DENND1A: variants seen among roughly 807,000 people sequenced by gnomAD.
DENND1A encodes DENN domain containing 1A, also known as DENN domain-containing protein 1A.
Under a neutral mutation model 113.7 loss-of-function variants are expected in DENND1A, and 51 were observed. The ratio of observed to expected loss-of-function variants is 0.45; its 90% confidence interval spans 0.36 to 0.57. DENND1A has a LOEUF of 0.57. DENND1A is among the 20% of genes least tolerant of loss of function. The pLI, the probability that DENND1A is intolerant of heterozygous loss-of-function variation, is 0.00. For missense variants in DENND1A, 1,258 were observed against 1,395.9 expected, an observed-to-expected ratio of 0.90 and a Z score of 1.57; for synonymous variants, 565 against 570.8, an observed-to-expected ratio of 0.99 and a Z score of 0.14.
chr9:123,588,283 CA>C (rs10640791), intron 11 of DENND1A, among the ~76,000 whole-genome samples: 2,351 of 68,018 alleles, frequency 0.035, 45 homozygotes, highest in Admixed American at 0.12. Flanking sequence ...AACTCTGTCT[CA>C]AAAAAAAAAA....
chr9:123,383,986 G>T, intron 22 of DENND1A, 73 bp from the exon 23 acceptor site: 1 of 1,551,018 alleles, frequency 6.4e-7, no homozygotes, highest in South Asian at 1.2e-5. Context: ...TCCAGCCCAA[G>T]CACATTGAGG....
Position 123,878,883 on chromosome 9 carries a change from T to A in DENND1A, c.88+68A>T, listed in dbSNP as rs114682851. 1.7e-4 allele frequency: 253 copies of A among 1,485,432 alleles called. No homozygotes were observed. In the African/African-American group the frequency reaches 3.2e-3, roughly 19 times the overall value. The allele number at this position is 1,485,432 out of a possible 1,614,324, so 92.0% of individuals were successfully genotyped here. A position where few individuals can be genotyped will look rare whatever the true frequency, so the allele number is the denominator to read the frequency against. On this transcript the variant is annotated intron_variant, in intron 2 of 23. Coordinates refer to ENST00000394215, the MANE Select transcript of DENND1A (RefSeq NM_001352964.2). ...TAACAATTTACTCATATTCACATAT[T>A]ATCTCACGTGCATAGCTATCTCAAA...
At chr9:123,449,362 C>T (rs1425670929) in intron 18 of DENND1A, among the ~76,000 whole-genome samples, 1 of 152,100 alleles carries the variant, frequency 6.6e-6, no homozygotes, top group East Asian at 1.9e-4. Flanking sequence ...TGGCGAAACC[C>T]CGTCTCTAAT....
At chr9:123,901,301 G>A (rs1851583495) in intron 1 of DENND1A, among the ~76,000 whole-genome samples, 1 of 152,154 alleles carries the variant, frequency 6.6e-6, no homozygotes, top group Non-Finnish European at 1.5e-5. Context: ...AGAGATGAGT[G>A]CATGAAGCAA....
At chr9:123,616,009 A>T (rs2060634078) in intron 10 of DENND1A, among the ~76,000 whole-genome samples, 1 of 152,130 alleles carries the variant, frequency 6.6e-6, no homozygotes, top group Admixed American at 6.5e-5. Flanking sequence ...GGCCCACTGC[A>T]ACCTCTGTCT....
intron 2 of DENND1A, among the ~76,000 whole-genome samples, chr9:123,816,270 G>A (rs1837469415): frequency 6.6e-6 from 1 of 152,096 alleles, no homozygotes; most frequent in Non-Finnish European, 1.5e-5. Flanking sequence ...CCAAAGTCCT[G>A]GGGTTATAGG....
intron 13 of DENND1A, among the ~76,000 whole-genome samples, chr9:123,542,527 C>T (rs1024374776): frequency 2.0e-5 from 3 of 152,180 alleles, no homozygotes; most frequent in Non-Finnish European, 4.4e-5. Flanking sequence ...AGACTCACCC[C>T]ACTTTTCTGC....
chr9:123,404,440 A>G (rs1278210339), intron 20 of DENND1A, among the ~76,000 whole-genome samples: 1 of 152,264 alleles, frequency 6.6e-6, no homozygotes, highest in Non-Finnish European at 1.5e-5. Context: ...TTCATTGCTG[A>G]TAAAAACAAC....
At chr9:123,662,772 T>A (rs1397315376) in intron 8 of DENND1A, among the ~76,000 whole-genome samples, 2 of 152,176 alleles carry the variant, frequency 1.3e-5, no homozygotes, top group African/African-American at 4.8e-5. Context: ...AGTATGCTCA[T>A]TAAAATGTAA....
chr9:123,536,055 A>G (rs1280739661), intron 13 of DENND1A, among the ~76,000 whole-genome samples: 1 of 152,204 alleles, frequency 6.6e-6, no homozygotes. Flanking sequence ...GCAAAACCTC[A>G]AATATGTGCA....
rs921465253 is a variant in DENND1A at position 123,380,382 on chromosome 9, G to C, written c.*1050C>G. The C allele has an allele frequency of 1.3e-5, 2 of 152,618 alleles. No homozygotes were observed. Among genetic ancestry groups the C allele is most frequent in the Non-Finnish European group, 2.9e-5 (2 of 68,062 alleles). The allele number at this position is 152,618 out of a possible 1,614,324, so 9.5% of individuals were successfully genotyped here. ...TGCTGGCCTGGAGCTCTGGGCAGGTGGGGAGGGACTGGCTTCTAGCCCTCC... is the reference window on the plus strand; with the variant it reads ...TGCTGGCCTGGAGCTCTGGGCAGGTCGGGAGGGACTGGCTTCTAGCCCTCC... On this transcript the variant is annotated 3_prime_UTR_variant, in exon 24 of 24. Transcript: ENST00000394215.
At chr9:123,558,022 T>C (rs571873002) in intron 12 of DENND1A, among the ~76,000 whole-genome samples, 2 of 152,114 alleles carry the variant, frequency 1.3e-5, no homozygotes, top group East Asian at 3.9e-4. Context: ...AATTAGGGCA[T>C]GTTTTTGAAA....
chr9:123,556,412 G>T (rs746595131), intron 13 of DENND1A, among the ~76,000 whole-genome samples: 1 of 152,184 alleles, frequency 6.6e-6, no homozygotes, highest in Non-Finnish European at 1.5e-5. Flanking sequence ...AATACACGAC[G>T]GAGTCAGAGC....
chr9:123,449,124 C>G (rs187726185), intron 18 of DENND1A, among the ~76,000 whole-genome samples: 4 of 152,330 alleles, frequency 2.6e-5, no homozygotes, highest in Non-Finnish European at 5.9e-5. Flanking sequence ...GGGCAAATGA[C>G]TTCACCTCTG....
At chr9:123,740,149 T>C (rs1159769093) in intron 5 of DENND1A, among the ~76,000 whole-genome samples, 1 of 152,148 alleles carries the variant, frequency 6.6e-6, no homozygotes, top group African/African-American at 2.4e-5. Flanking sequence ...ACCCTGCATG[T>C]CCTGTGCATA....
rs931350684 is a variant in DENND1A at position 123,910,986 on chromosome 9, A to G, written c.17+18903T>C. ...AAGCACTATTAAGTGTAAAAAGGCA[A>G]GCTGCAGACTGAAGAAAGATTTTTG... is the stretch of plus-strand genomic sequence containing the variant. On this transcript the variant is annotated intron_variant, in intron 1 of 23. Coordinates refer to ENST00000394215, the MANE Select transcript of DENND1A (RefSeq NM_001352964.2). Among the ~76,000 whole-genome samples, 6 of 152,184 alleles carry G rather than the reference A, an allele frequency of 3.9e-5. No homozygotes were observed. In the East Asian group the frequency reaches 1.2e-3, roughly 29 times the overall value.
rs543005436 is a variant in DENND1A at position 123,881,913 on chromosome 9, G to A, written c.18-2892C>T. 5.3e-5 allele frequency among the ~76,000 whole-genome samples: 8 copies of A among 152,130 alleles called. No individual in the cohort carries two copies. The South Asian group carries it at 1.0e-3, about 20-fold the overall frequency. Reference sequence around the variant, plus strand: ...TCAATTCTCAGTGCTCATCTTACTCGGCCTGTCAATAGCATTTGATAGTTC... The same window carrying A: ...TCAATTCTCAGTGCTCATCTTACTCAGCCTGTCAATAGCATTTGATAGTTC... On this transcript the variant is annotated intron_variant, in intron 1 of 23. Transcript: ENST00000394215.
chr9:123,658,923 G>T (rs939140137), intron 8 of DENND1A, among the ~76,000 whole-genome samples: 1 of 152,166 alleles, frequency 6.6e-6, no homozygotes, highest in Non-Finnish European at 1.5e-5. Context: ...CCCAGACCAG[G>T]CAGCATCTCA....
At chr9:123,599,022 TC>T (rs1162008386) in intron 11 of DENND1A, among the ~76,000 whole-genome samples, 2 of 152,162 alleles carry the variant, frequency 1.3e-5, no homozygotes, top group African/African-American at 4.8e-5. Flanking sequence ...GTTGATAACT[TC>T]CAACCACAAA....
Sources: gnomAD v4.1 joint callset for allele counts (sites outside exome capture counted in the v4.1 genomes callset) on GRCh38, gnomAD v4.1.1 for gene constraint, MANE v1.5 for transcripts, NCBI Gene and HGNC (gene_info 2026-07-23, HGNC 2026-07-21) for gene names.